Variants in PAG1 observed in about 807,000 individuals in gnomAD.
PAG1 encodes the protein phosphoprotein membrane anchor with glycosphingolipid microdomains 1, also known as phosphoprotein associated with glycosphingolipid-enriched microdomains 1.
PAG1 carries 23 observed loss-of-function variants against 31.7 expected under a neutral mutation model. The observed-to-expected ratio is 0.73, with a 90% CI of 0.52 to 1.03. PAG1 has a LOEUF of 1.03. Among genes scored for constraint, PAG1 ranks in the 50% least tolerant of loss-of-function variants. PAG1 has a pLI of 0.00. For missense variants in PAG1, 473 were observed against 540.7 expected (o/e 0.87, Z 1.24); for synonymous variants, 214 against 210.3 (o/e 1.02, Z -0.15).
intron 1 of PAG1, among the ~76,000 whole-genome samples, chr8:81,106,859 G>A (rs1346994934): frequency 2.0e-5 from 3 of 152,286 alleles, no homozygotes; most frequent in Middle Eastern, 3.4e-3. Flanking sequence ...AAGATAACAC[G>A]TTTAAGCCTT....
chr8:81,089,775 A>C (rs1410230538), intron 1 of PAG1, among the ~76,000 whole-genome samples: 1 of 152,194 alleles, frequency 6.6e-6, no homozygotes, highest in Non-Finnish European at 1.5e-5. Context: ...AGTTTAGAAC[A>C]AAAGGGTTGT....
At chr8:81,041,450 G>C (rs906080602) in intron 2 of PAG1, among the ~76,000 whole-genome samples, 2 of 152,194 alleles carry the variant, frequency 1.3e-5, no homozygotes, top group African/African-American at 4.8e-5. Flanking sequence ...GTCCCAGGAG[G>C]AACCAACACC....
In PAG1 at chr8:81,074,242, C is replaced by T. The variant is rs796913810; in HGVS notation, c.-233-4072G>A. ...GCACAGTGATGTGTGTTCCTTCAGC[C>T]GCACTCACCAGTGTAGGTGAAGATG... On this transcript the variant is annotated intron_variant, in intron 1 of 8. Transcript: ENST00000220597. Among the ~76,000 whole-genome samples the T allele has an allele frequency of 1.6e-4, 25 of 152,206 alleles. 1 individual carries two copies. Among genetic ancestry groups the T allele is most frequent in the African/African-American group, 5.5e-4 (23 of 41,540 alleles).
chr8:81,031,393 C>A (rs550825167), intron 2 of PAG1, among the ~76,000 whole-genome samples: 14 of 152,298 alleles, frequency 9.2e-5, no homozygotes, highest in Non-Finnish European at 1.9e-4. Flanking sequence ...AACTGAGTTC[C>A]CAAGCCATCG....
At chr8:81,081,080 G>A (rs570679698) in intron 1 of PAG1, among the ~76,000 whole-genome samples, 22 of 152,166 alleles carry the variant, frequency 1.4e-4, no homozygotes, top group East Asian at 3.9e-4. Context: ...ACCTCCCTGC[G>A]TCTCAGTGTT....
chr8:80,976,638 A>T lies in PAG1; in HGVS notation c.1205T>A (p.Leu402Gln). 1.2e-6 allele frequency: 2 copies of T among 1,614,174 alleles called. No individual in the cohort carries two copies. Among genetic ancestry groups the T allele is most frequent in the Non-Finnish European group, 8.5e-7 (1 of 1,180,018 alleles). Residue 402 changes from leucine (L) to glutamine (Q), a missense_variant, in exon 9 of 9, where the codon CTG becomes CAG. Transcript: ENST00000220597. ...GAGACCGTGGTGGCCATTGGTCCCC[A>T]GGGTGGCCTTTTCTTCCTCTCTGTT... ...TLNREEEKAT[L>Q]GTNGHHGLVP...
chr8:81,052,445 T>C (rs1808749237), intron 2 of PAG1, among the ~76,000 whole-genome samples: 1 of 152,174 alleles, frequency 6.6e-6, no homozygotes. Context: ...CTTTTTTTCT[T>C]CTAAGTATTT....
rs1807182300 is a variant in PAG1, at chr8:80,976,517, G to A, written c.*27C>T. The A allele has an allele frequency of 2.5e-6, 4 of 1,579,164 alleles. No individual in the cohort carries two copies. The highest frequency in any genetic ancestry group is 4.4e-4 in the Middle Eastern group (2 of 4,580). On this transcript the variant is annotated 3_prime_UTR_variant, in exon 9 of 9. Transcript: ENST00000220597. ...GAAACGTCTCCAGACACTGATCACA[G>A]GCTACCCAGGGTTGTCTTCTGGGTT... is the stretch of plus-strand genomic sequence containing the variant.
chr8:81,097,534 A>T (rs1012626170), intron 1 of PAG1, among the ~76,000 whole-genome samples: 5 of 152,128 alleles, frequency 3.3e-5, no homozygotes, highest in Admixed American at 2.0e-4. Flanking sequence ...TGAGAAAGTT[A>T]TTGGCAGAGG....
At chr8:81,111,419 C>A (rs575661262) in intron 1 of PAG1, among the ~76,000 whole-genome samples, 172 bp downstream of exon 1, 1 of 152,286 alleles carries the variant, frequency 6.6e-6, no homozygotes, top group Admixed American at 6.5e-5. Flanking sequence ...GTCAGCCAGC[C>A]CTGGACTCCA....
chr8:81,108,590 T>C (rs1048165583), intron 1 of PAG1, among the ~76,000 whole-genome samples: 4 of 152,098 alleles, frequency 2.6e-5, no homozygotes, highest in Admixed American at 2.6e-4. Context: ...TATACGGCAA[T>C]TAGATTTTAA....
At chr8:80,998,595 G>GA (rs35503088) in intron 3 of PAG1, among the ~76,000 whole-genome samples, 7,500 of 138,478 alleles carry the variant, frequency 0.054, 607 homozygotes, top group African/African-American at 0.21. Context: ...TCCAACAGGA[G>GA]AAAAAAAAAA....
chr8:81,100,062 T>C (rs1184627719), intron 1 of PAG1, among the ~76,000 whole-genome samples: 1 of 152,232 alleles, frequency 6.6e-6, no homozygotes, highest in African/African-American at 2.4e-5. Flanking sequence ...ATGACTGATA[T>C]TACATTTAGT....
chr8:81,093,097 CA>C (rs1192680926), intron 1 of PAG1, among the ~76,000 whole-genome samples: 2 of 152,268 alleles, frequency 1.3e-5, no homozygotes, highest in Non-Finnish European at 2.9e-5. Flanking sequence ...AAAACAACAA[CA>C]AAACAGAGCA....
chr8:81,081,661 T>G lies in PAG1; in HGVS notation c.-233-11491A>C, dbSNP rs146876512. ...ACTTTATCATTTAAAGAATGTTATA[T>G]AAATGGAGTCATGTTACATGTAGCC... On this transcript the variant is annotated intron_variant, in intron 1 of 8. Coordinates refer to ENST00000220597, the MANE Select transcript of PAG1 (RefSeq NM_018440.4). Among the ~76,000 whole-genome samples, 480 of 152,306 alleles carry G rather than the reference T, an allele frequency of 3.2e-3. 14 individuals carry two copies. The highest frequency in any genetic ancestry group is 0.03 in the Admixed American group (461 of 15,292).
intron 3 of PAG1, among the ~76,000 whole-genome samples, chr8:81,015,753 T>C (rs1445838014): frequency 6.6e-6 from 1 of 152,206 alleles, no homozygotes; most frequent in Non-Finnish European, 1.5e-5. Context: ...TATAGGTAGG[T>C]ATAGAAGATT....
chr8:81,089,574 GA>G (rs60931968), intron 1 of PAG1, among the ~76,000 whole-genome samples: 82,290 of 145,484 alleles, frequency 0.57, 22,909 homozygotes, highest in East Asian at 0.67. Context: ...TCTCAAAAAG[GA>G]AAAAAAAAAA....
intron 1 of PAG1, among the ~76,000 whole-genome samples, chr8:81,092,842 T>G (rs922707853): frequency 2.6e-5 from 4 of 152,218 alleles, no homozygotes; most frequent in Admixed American, 2.0e-4. Flanking sequence ...GGTAGTGAGC[T>G]TTAACAGGAG....
chr8:81,027,776 A>G (rs1563634700), intron 3 of PAG1, among the ~76,000 whole-genome samples: 2 of 151,924 alleles, frequency 1.3e-5, no homozygotes, highest in South Asian at 2.1e-4. Flanking sequence ...GTGGTGGCGG[A>G]TGCCTGTAGT....
Sources: gnomAD v4.1 joint callset for allele counts (sites outside exome capture counted in the v4.1 genomes callset) on GRCh38, gnomAD v4.1.1 for gene constraint, MANE v1.5 for transcripts, NCBI Gene and HGNC (gene_info 2026-07-23, HGNC 2026-07-21) for gene names.